Variants in CAMTA1 observed in about 807,000 individuals in gnomAD.
The protein encoded by CAMTA1 is calmodulin-binding transcription activator 1.
Under a neutral mutation model 170.9 loss-of-function variants are expected in CAMTA1, and 27 were observed. The ratio of observed to expected loss-of-function variants is 0.16; its 90% CI spans 0.12 to 0.22. CAMTA1 has a LOEUF of 0.22. Ranked by LOEUF, CAMTA1 falls within the 10% of genes least tolerant of loss-of-function variation. CAMTA1 has a pLI of 1.00. For synonymous variants in CAMTA1, 833 were observed against 891.5 expected (o/e 0.93, Z 1.17); for missense variants, 1,619 against 2,217.2 (o/e 0.73, Z 5.42).
intron 11 of CAMTA1, chr1:7,693,433 AG>A (rs1179730120): frequency 6.6e-6 from 1 of 152,264 alleles, no homozygotes; most frequent in African/African-American, 2.4e-5. Context: ...CATATCAGTT[AG>A]CCACCTGTCA....
intron 3 of CAMTA1, among the ~76,000 whole-genome samples, chr1:6,912,814 C>T (rs977879533): frequency 8.5e-5 from 13 of 152,344 alleles, no homozygotes; most frequent in Admixed American, 4.6e-4. Flanking sequence ...CCTCCATGCC[C>T]GTCACTGAAT....
intron 8 of CAMTA1, among the ~76,000 whole-genome samples, chr1:7,662,240 C>T (rs1464018194): frequency 1.3e-5 from 2 of 152,224 alleles, no homozygotes; most frequent in African/African-American, 2.4e-5. Flanking sequence ...TTGAGGGAGA[C>T]GTGCCCTGCG....
At chr1:7,737,779 T>C (rs1463524201) in intron 15 of CAMTA1, among the ~76,000 whole-genome samples, 180 bp from the exon 16 acceptor site, 1 of 152,118 alleles carries the variant, frequency 6.6e-6, no homozygotes, top group African/African-American at 2.4e-5. Context: ...AAGAAATACA[T>C]AATTTTGGAG....
At chr1:6,904,303 G>T (rs1677785364) in intron 3 of CAMTA1, among the ~76,000 whole-genome samples, 1 of 152,104 alleles carries the variant, frequency 6.6e-6, no homozygotes, top group Non-Finnish European at 1.5e-5. Flanking sequence ...TCCTTTTCTT[G>T]AAAGGAGACC....
chr1:7,551,316 ATG>A lies in CAMTA1; in HGVS notation c.510+83426_510+83427del, dbSNP rs201599514. On this transcript the variant is annotated intron_variant, in intron 6 of 22. Transcript: ENST00000303635. Reference sequence around the variant, plus strand: ...GCGCAGGTGCACTGAGTGTATGTGCATGTGTGTGTGTGCACATGTATGTATCT... The same window carrying A: ...GCGCAGGTGCACTGAGTGTATGTGCATGTGTGTGTGCACATGTATGTATCT... Among the ~76,000 whole-genome samples the A allele has an allele frequency of 2.3e-3, 350 of 152,190 alleles. 1 individual carries two copies. The highest frequency in any genetic ancestry group is 4.6e-3 in the Admixed American group (70 of 15,292).
Position 7,547,766 on chromosome 1 carries a change from A to C in CAMTA1, c.510+79865A>C, listed in dbSNP as rs998622969. ...GTATATTTATGTGTGGCCTAAGAGAATTATTCTTCCAACATAATCTCCCTG... is the reference window on the plus strand; with the variant it reads ...GTATATTTATGTGTGGCCTAAGAGACTTATTCTTCCAACATAATCTCCCTG... On this transcript the variant is annotated intron_variant, in intron 6 of 22. Coordinates refer to ENST00000303635, the MANE Select transcript of CAMTA1 (RefSeq NM_015215.4). This position sits in a 1 kb window ranked among gnomAD's most constrained non-coding sequence, Gnocchi z 5.7. Among the ~76,000 whole-genome samples, 15 of 151,802 alleles carry C rather than the reference A, an allele frequency of 9.9e-5. No homozygotes were observed. Among genetic ancestry groups the C allele is most frequent in the African/African-American group, 3.4e-4 (14 of 41,240 alleles).
chr1:7,127,457 G>A (rs1011543634), intron 4 of CAMTA1, among the ~76,000 whole-genome samples: 3 of 151,754 alleles, frequency 2.0e-5, no homozygotes, highest in African/African-American at 4.8e-5. Context: ...TTCACTCATC[G>A]CTAAAAATAT....
At chr1:6,900,547 A>T (rs1676704779) in intron 3 of CAMTA1, among the ~76,000 whole-genome samples, 1 of 152,168 alleles carries the variant, frequency 6.6e-6, no homozygotes, top group Non-Finnish European at 1.5e-5. Context: ...AAACCCATGG[A>T]ATCTATATAA....
intron 4 of CAMTA1, among the ~76,000 whole-genome samples, chr1:7,233,715 G>C (rs529719391): frequency 2.6e-5 from 4 of 152,016 alleles, no homozygotes; most frequent in Non-Finnish European, 4.4e-5. Flanking sequence ...CCATGGCCTC[G>C]AGAGCAATGT....
chr1:7,287,226 G>C (rs1574447991), intron 5 of CAMTA1, among the ~76,000 whole-genome samples: 1 of 152,282 alleles, frequency 6.6e-6, no homozygotes, highest in African/African-American at 2.4e-5. Context: ...TGAGCAGCCA[G>C]GGGGAGACAG....
At chr1:7,165,938 T>C (rs1260249670) in intron 4 of CAMTA1, among the ~76,000 whole-genome samples, 1 of 152,224 alleles carries the variant, frequency 6.6e-6, no homozygotes, top group Non-Finnish European at 1.5e-5. Flanking sequence ...TTATGTATCT[T>C]ACATATGTAT....
chr1:7,428,293 G>A (rs845249), intron 5 of CAMTA1, among the ~76,000 whole-genome samples: 1 of 151,836 alleles, frequency 6.6e-6, no homozygotes, highest in Non-Finnish European at 1.5e-5. Flanking sequence ...CTGTTCCATT[G>A]CCAGCACCTA....
At chr1:7,318,480 G>T (rs575086440) in intron 5 of CAMTA1, among the ~76,000 whole-genome samples, 1 of 152,214 alleles carries the variant, frequency 6.6e-6, no homozygotes, top group South Asian at 2.1e-4. Flanking sequence ...CCTTACCTTG[G>T]TTAAAGAAAA....
At chr1:7,276,744 A>G (rs1050825492) in intron 5 of CAMTA1, among the ~76,000 whole-genome samples, 3 of 152,196 alleles carry the variant, frequency 2.0e-5, no homozygotes, top group Non-Finnish European at 2.9e-5. Flanking sequence ...GAAAAGAAAT[A>G]AAAGGCATAC....
At chr1:7,458,994 G>C (rs1018096476) in intron 5 of CAMTA1, among the ~76,000 whole-genome samples, 4 of 152,214 alleles carry the variant, frequency 2.6e-5, no homozygotes, top group African/African-American at 9.6e-5. Context: ...TCTAATCTTA[G>C]ATTAATACAA....
chr1:6,979,912 A>T (rs553450947), intron 3 of CAMTA1, among the ~76,000 whole-genome samples: 1 of 152,192 alleles, frequency 6.6e-6, no homozygotes, highest in Non-Finnish European at 1.5e-5. Context: ...CTGGCTCTCC[A>T]CAGCTGTTTG....
At chr1:7,478,275 A>G (rs918749576) in intron 6 of CAMTA1, among the ~76,000 whole-genome samples, 7 of 78,088 alleles carry the variant, frequency 9.0e-5, no homozygotes, top group African/African-American at 5.7e-4. Context: ...GTGAGATGCA[A>G]CTGTGATTAG....
At chr1:7,427,822 C>T (rs2091942748) in intron 5 of CAMTA1, among the ~76,000 whole-genome samples, 1 of 152,212 alleles carries the variant, frequency 6.6e-6, no homozygotes, top group Non-Finnish European at 1.5e-5. Flanking sequence ...GCACTCAGCC[C>T]CTCAGACATT....
intron 6 of CAMTA1, 27 bp downstream of exon 6, chr1:7,467,928 T>C (rs2093249743): frequency 6.3e-7 from 1 of 1,593,808 alleles, no homozygotes; most frequent in Admixed American, 1.7e-5. Context: ...GGATTCTTCT[T>C]CTGTCTCTGG....
Sources: gnomAD v4.1 joint callset for allele counts (sites outside exome capture counted in the v4.1 genomes callset) on GRCh38, gnomAD v4.1.1 for gene constraint, Gnocchi (gnomAD v3.1) non-coding constraint, MANE v1.5 for transcripts, NCBI Gene and HGNC (gene_info 2026-07-23, HGNC 2026-07-21) for gene names.